SUMF1: variants seen among roughly 807,000 people sequenced by gnomAD.
The protein encoded by SUMF1 is sulfatase modifying factor 1.
In SUMF1, 48 loss-of-function variants were observed where a neutral mutation model predicts 47.6. The ratio of observed to expected loss-of-function variants is 1.01; its 90% CI spans 0.80 to 1.28. The LOEUF is 1.28. SUMF1 is among the 50% of genes most tolerant of loss of function. The pLI is 0.00. For synonymous variants in SUMF1, 230 were observed against 192.1 expected, an observed-to-expected ratio of 1.20 and a Z score of -1.63; for missense variants, 571 against 485.4, an observed-to-expected ratio of 1.18 and a Z score of -1.66.
chr3:4,232,876 C>A (rs544566016), intron 8 of SUMF1, among the ~76,000 whole-genome samples: 1 of 152,218 alleles, frequency 6.6e-6, no homozygotes, highest in Admixed American at 6.5e-5. Context: ...CACCAGGTTG[C>A]CAGACAAATC....
intron 6 of SUMF1, among the ~76,000 whole-genome samples, chr3:4,416,120 T>C (rs1381879875): frequency 6.6e-6 from 1 of 152,208 alleles, no homozygotes; most frequent in Non-Finnish European, 1.5e-5. Context: ...AGAAAAGATT[T>C]CTTATACACC....
At chr3:4,369,120 C>G (rs1018997356) in intron 8 of SUMF1, among the ~76,000 whole-genome samples, 3 of 150,850 alleles carry the variant, frequency 2.0e-5, no homozygotes, top group East Asian at 3.9e-4. Flanking sequence ...TGAAAAGTAT[C>G]TCAAGTTGAC....
chr3:4,450,836 G>A (rs1702944841), intron 2 of SUMF1, among the ~76,000 whole-genome samples: 1 of 151,994 alleles, frequency 6.6e-6, no homozygotes, highest in Non-Finnish European at 1.5e-5. Flanking sequence ...GAAAATACGG[G>A]CCAAGTTCTT....
chr3:4,352,108 C>A (rs1218493459), intron 8 of SUMF1, among the ~76,000 whole-genome samples: 1 of 152,050 alleles, frequency 6.6e-6, no homozygotes, highest in African/African-American at 2.4e-5. Flanking sequence ...CAGTAATCTC[C>A]CGTCTTCAGT....
At chr3:4,188,595 G>A (rs529269622) in intron 8 of SUMF1, among the ~76,000 whole-genome samples, 1 of 152,258 alleles carries the variant, frequency 6.6e-6, no homozygotes, top group African/African-American at 2.4e-5. Context: ...GACATGGCCT[G>A]GGACTATATA....
At position 4,391,178 on chromosome 3, in the gene SUMF1, CTTG is replaced by C. The variant is rs200024144; in HGVS notation, c.955-14792_955-14790del. ...CCTGTATGTGATGAACTGTTTTCCTCTTGTTATTTTCAAGATTTTGTCTTTCAA... is the reference window on the plus strand; with the variant it reads ...CCTGTATGTGATGAACTGTTTTCCTCTTATTTTCAAGATTTTGTCTTTCAA... On this transcript the variant is annotated intron_variant, in intron 7 of 8. Coordinates refer to ENST00000272902, the MANE Select transcript of SUMF1 (RefSeq NM_182760.4). Among the ~76,000 whole-genome samples the C allele has an allele frequency of 3.7e-3, 562 of 152,238 alleles. 4 individuals carry two copies. Among genetic ancestry groups the C allele is most frequent in the African/African-American group, 0.012 (519 of 41,536 alleles).
intron 8 of SUMF1, among the ~76,000 whole-genome samples, chr3:4,089,603 A>G (rs542682487): frequency 2.0e-5 from 3 of 152,140 alleles, no homozygotes; most frequent in African/African-American, 7.2e-5. Flanking sequence ...AAAGCACTGG[A>G]TAAAAAACTA....
At chr3:4,426,961 A>G (rs1165033927) in intron 3 of SUMF1, among the ~76,000 whole-genome samples, 1 of 152,240 alleles carries the variant, frequency 6.6e-6, no homozygotes, top group Non-Finnish European at 1.5e-5. Flanking sequence ...GTGAGTTTTG[A>G]GGTCCCCTTG....
intron 8 of SUMF1, among the ~76,000 whole-genome samples, chr3:4,294,115 G>C (rs1019822219): frequency 6.6e-6 from 1 of 152,120 alleles, no homozygotes; most frequent in Non-Finnish European, 1.5e-5. Context: ...TGCCTACTTC[G>C]TGGAATTGTT....
chr3:4,215,277 C>G (rs552516705), intron 8 of SUMF1, among the ~76,000 whole-genome samples: 1 of 152,282 alleles, frequency 6.6e-6, no homozygotes, highest in South Asian at 2.1e-4. Flanking sequence ...ATCACATAAA[C>G]AGAACCAATG....
chr3:4,195,965 A>T (rs979793040), intron 8 of SUMF1, among the ~76,000 whole-genome samples: 7 of 152,158 alleles, frequency 4.6e-5, no homozygotes, highest in African/African-American at 1.7e-4. Flanking sequence ...AGAATGGCTG[A>T]CTGGTCCCTT....
At chr3:4,148,162 T>G (rs1395450695) in intron 8 of SUMF1, among the ~76,000 whole-genome samples, 2 of 152,180 alleles carry the variant, frequency 1.3e-5, no homozygotes, top group Non-Finnish European at 2.9e-5. Flanking sequence ...AATCTTTGAA[T>G]GCAGAATTAA....
downstream of SUMF1, among the ~76,000 whole-genome samples, chr3:4,358,914 G>A (rs1273383337): frequency 1.3e-5 from 2 of 152,254 alleles, no homozygotes; most frequent in African/African-American, 4.8e-5. Context: ...TCAACTGGCT[G>A]TAATGCTGGC....
intron 1 of SUMF1, among the ~76,000 whole-genome samples, chr3:4,464,667 T>A (rs937678660): frequency 1.2e-4 from 19 of 152,370 alleles, no homozygotes; most frequent in African/African-American, 4.6e-4. Flanking sequence ...GAATTTAGAA[T>A]AAATGGTAAA....
At chr3:4,099,313 A>C (rs1012014774) in intron 8 of SUMF1, among the ~76,000 whole-genome samples, 2 of 152,132 alleles carry the variant, frequency 1.3e-5, no homozygotes, top group African/African-American at 4.8e-5. Context: ...AACATACATA[A>C]ATCAATAAAT....
At chr3:4,349,688 C>T in intron 8 of SUMF1, among the ~76,000 whole-genome samples, 1 of 152,200 alleles carries the variant, frequency 6.6e-6, no homozygotes, top group East Asian at 1.9e-4. Flanking sequence ...TTTGCAGGGA[C>T]ATGGATGAAG....
chr3:4,254,055 G>C (rs367789742), intron 8 of SUMF1, among the ~76,000 whole-genome samples: 4,436 of 151,154 alleles, frequency 0.029, 129 homozygotes, highest in African/African-American at 0.069. Context: ...TGAGGGTCCT[G>C]TCTGTTAGAA....
intron 8 of SUMF1, among the ~76,000 whole-genome samples, chr3:4,213,072 A>G (rs1695834653): frequency 6.6e-6 from 1 of 152,156 alleles, no homozygotes; most frequent in Non-Finnish European, 1.5e-5. Flanking sequence ...CACCACAAAG[A>G]TACTCCTCAA....
At chr3:4,392,264 T>G (rs1382105029) in intron 7 of SUMF1, among the ~76,000 whole-genome samples, 1 of 152,186 alleles carries the variant, frequency 6.6e-6, no homozygotes. Context: ...TCTACTTGGT[T>G]CTTTTTTTAA....
Sources: allele counts gnomAD v4.1 joint callset (sites outside exome capture counted in the v4.1 genomes callset), GRCh38; gene constraint gnomAD v4.1.1; transcripts MANE v1.5; gene names NCBI Gene and HGNC (gene_info 2026-07-23, HGNC 2026-07-21).